The following MCTP2 variants were observed in gnomAD, a reference collection of about 807,000 sequenced individuals.
The protein encoded by MCTP2 is multiple C2 and transmembrane domain-containing protein 2.
Under a neutral mutation model 111.6 loss-of-function variants are expected in MCTP2, and 132 were observed. The ratio of observed to expected loss-of-function variants is 1.18; its 90% CI spans 1.03 to 1.37. The LOEUF (loss-of-function observed/expected upper bound fraction) is 1.37, where lower values mean the gene tolerates loss of function less well. MCTP2 is among the 40% of genes most tolerant of loss of function. The pLI is 0.00. For missense variants in MCTP2, 1,183 were observed against 1,067.9 expected, an observed-to-expected ratio of 1.11 and a Z score of -1.50; for synonymous variants, 395 against 387.7, an observed-to-expected ratio of 1.02 and a Z score of -0.22.
chr15:94,243,793 A>G (rs1458069802), intron 1 of MCTP2, among the ~76,000 whole-genome samples: 3 of 148,242 alleles, frequency 2.0e-5, no homozygotes, highest in Non-Finnish European at 4.5e-5. Context: ...ATATGTATAT[A>G]CACATATGCG....
At chr15:94,456,386 AGTC>A (rs2084838131) in intron 19 of MCTP2, among the ~76,000 whole-genome samples, 1 of 152,250 alleles carries the variant, frequency 6.6e-6, no homozygotes, top group South Asian at 2.1e-4. Flanking sequence ...TGGAAACTTG[AGTC>A]ATTTTCCAAG....
chr15:94,232,469 G>A (rs1232415146), intron 1 of MCTP2, among the ~76,000 whole-genome samples: 1 of 152,146 alleles, frequency 6.6e-6, no homozygotes, highest in Non-Finnish European at 1.5e-5. Context: ...ACTTGCTTCA[G>A]GACGCACAGA....
At chr15:94,422,024 T>A (rs2082651454) in intron 17 of MCTP2, among the ~76,000 whole-genome samples, 1 of 152,208 alleles carries the variant, frequency 6.6e-6, no homozygotes, top group African/African-American at 2.4e-5. Flanking sequence ...GAAGAGGTTA[T>A]GTACTATAGA....
chr15:94,446,060 T>C (rs892930418), intron 19 of MCTP2, among the ~76,000 whole-genome samples: 8 of 152,240 alleles, frequency 5.3e-5, no homozygotes, highest in Middle Eastern at 3.2e-3. Flanking sequence ...ACAGGGATTG[T>C]TGTAAAATGA....
intron 4 of MCTP2, among the ~76,000 whole-genome samples, chr15:94,318,676 A>T (rs185120629): frequency 2.0e-5 from 3 of 152,110 alleles, no homozygotes; most frequent in African/African-American, 7.2e-5. Flanking sequence ...TTTCTCCCTC[A>T]CTGCTGTCAG....
At chr15:94,254,629 A>G (rs369945234) in intron 1 of MCTP2, among the ~76,000 whole-genome samples, 2 of 152,228 alleles carry the variant, frequency 1.3e-5, no homozygotes, top group East Asian at 3.8e-4. Context: ...TTTTGCAGCA[A>G]TTCATATGTG....
At chr15:94,325,665 A>C in intron 4 of MCTP2, among the ~76,000 whole-genome samples, 1 of 121,908 alleles carries the variant, frequency 8.2e-6, no homozygotes, top group Admixed American at 7.9e-5. Flanking sequence ...CCTTATTTGA[A>C]TAAAGACTCT....
At chr15:94,423,958 A>G (rs1320856698) in intron 17 of MCTP2, among the ~76,000 whole-genome samples, 1 of 152,196 alleles carries the variant, frequency 6.6e-6, no homozygotes, top group African/African-American at 2.4e-5. Flanking sequence ...CATTTTTTGA[A>G]GTTCTTTCTC....
At chr15:94,327,509 G>A (rs75254565) in intron 4 of MCTP2, among the ~76,000 whole-genome samples, 1 of 152,274 alleles carries the variant, frequency 6.6e-6, no homozygotes, top group East Asian at 1.9e-4. Flanking sequence ...TGCAACATTT[G>A]GGATTTGCTT....
At chr15:94,388,429 G>A (rs77654859) in intron 14 of MCTP2, among the ~76,000 whole-genome samples, 2,310 of 152,162 alleles carry the variant, frequency 0.015, 16 homozygotes, top group Non-Finnish European at 0.024. Flanking sequence ...GAAATTCAGT[G>A]GTCCACCTGC....
intron 10 of MCTP2, among the ~76,000 whole-genome samples, chr15:94,363,412 G>C (rs1453370831): frequency 1.3e-5 from 2 of 152,054 alleles, no homozygotes; most frequent in African/African-American, 2.4e-5. Flanking sequence ...GAAGAACAGC[G>C]GTCTAAGCTG....
chr15:94,291,274 T>A (rs2075017321), intron 1 of MCTP2, among the ~76,000 whole-genome samples: 1 of 152,154 alleles, frequency 6.6e-6, no homozygotes, highest in South Asian at 2.1e-4. Flanking sequence ...GAATAAACCA[T>A]GACCTAAAGA....
chr15:94,349,943 A>G (rs1529777), intron 8 of MCTP2, among the ~76,000 whole-genome samples: 68,406 of 151,886 alleles, frequency 0.45, 15,589 homozygotes, highest in African/African-American at 0.51. Context: ...TTATTGTAGG[A>G]CTCTAAACAG....
chr15:94,314,390 T>C, intron 3 of MCTP2, 46 bp downstream of exon 3: 1 of 1,355,900 alleles, frequency 7.4e-7, no homozygotes, highest in African/African-American at 1.5e-5. Flanking sequence ...TGTAGATATT[T>C]CTCATCAAAT....
chr15:94,262,194 C>T (rs920002896), intron 1 of MCTP2, among the ~76,000 whole-genome samples: 3 of 152,036 alleles, frequency 2.0e-5, no homozygotes, highest in African/African-American at 7.2e-5. Flanking sequence ...ATAAATGAAA[C>T]TTTATAATAG....
chr15:94,471,213 G>A (rs541948307), intron 21 of MCTP2, among the ~76,000 whole-genome samples: 25 of 152,306 alleles, frequency 1.6e-4, no homozygotes, highest in African/African-American at 5.1e-4. Context: ...GCCGTTCTCC[G>A]TAAAGGGTCT....
chr15:94,387,429 C>T (rs1168809848), intron 14 of MCTP2, among the ~76,000 whole-genome samples: 1 of 152,088 alleles, frequency 6.6e-6, no homozygotes, highest in African/African-American at 2.4e-5. Flanking sequence ...CAGTCAAGAA[C>T]CGCTGACCTA....
rs529396131 is a variant in MCTP2 at position 94,416,198 on chromosome 15, C to T, written c.2085+14179C>T. Among the ~76,000 whole-genome samples, 7 of 152,148 alleles carry T rather than the reference C, an allele frequency of 4.6e-5. No individual in the cohort carries two copies. The East Asian group carries it at 9.7e-4, about 21-fold the overall frequency. ...ATATTTACGTAGCTTCCGAAAGAGA[C>T]CTGCAAGGATTCCCTGTAATTCAAG... is the stretch of plus-strand genomic sequence containing the variant. On this transcript the variant is annotated intron_variant, in intron 17 of 22. Transcript: ENST00000357742.
At chr15:94,325,049 C>T (rs2076795488) in intron 4 of MCTP2, among the ~76,000 whole-genome samples, 1 of 152,140 alleles carries the variant, frequency 6.6e-6, no homozygotes, top group African/African-American at 2.4e-5. Context: ...TAGGCTTGGG[C>T]CACCATAAAC....
Sources: gnomAD v4.1 joint callset for allele counts (sites outside exome capture counted in the v4.1 genomes callset) on GRCh38, gnomAD v4.1.1 for gene constraint, MANE v1.5 for transcripts, NCBI Gene and HGNC (gene_info 2026-07-23, HGNC 2026-07-21) for gene names.